MMRN1: variants seen among roughly 807,000 people sequenced by gnomAD.
MMRN1 encodes multimerin-1.
In MMRN1, 94 loss-of-function variants were observed where a neutral mutation model predicts 100.7. That is an observed-to-expected ratio of 0.93 (90% confidence interval 0.79 to 1.11). The LOEUF (loss-of-function observed/expected upper bound fraction) is 1.11, where lower values mean the gene tolerates loss of function less well. Among genes scored for constraint, MMRN1 ranks in the 50% least tolerant of loss-of-function variants. The pLI is 0.00. For missense variants in MMRN1, 1,606 were observed against 1,439.1 expected, an observed-to-expected ratio of 1.12 and a Z score of -1.88; for synonymous variants, 575 against 505.0, an observed-to-expected ratio of 1.14 and a Z score of -1.86.
intron 6 of MMRN1, among the ~76,000 whole-genome samples, chr4:89,948,819 A>G (rs1053237650): frequency 2.0e-5 from 3 of 152,196 alleles, no homozygotes; most frequent in Non-Finnish European, 4.4e-5. Context: ...CGAAGCAGGT[A>G]CAGACAAGTG....
chr4:89,926,303 C>T (rs74739978), intron 4 of MMRN1, among the ~76,000 whole-genome samples: 25,071 of 151,984 alleles, frequency 0.16, 3,299 homozygotes, highest in African/African-American at 0.36. Flanking sequence ...ATTTCCTGTC[C>T]TTTGGATATA....
intron 6 of MMRN1, among the ~76,000 whole-genome samples, chr4:89,938,517 A>AATAT (rs70963047): frequency 2.9e-5 from 4 of 138,578 alleles, no homozygotes; most frequent in Admixed American, 2.2e-4. Context: ...ATATATTTAA[A>AATAT]ATATATATAT....
intron 3 of MMRN1, among the ~76,000 whole-genome samples, chr4:89,920,262 T>G (rs1019444354): frequency 1.3e-5 from 2 of 152,098 alleles, no homozygotes; most frequent in African/African-American, 4.8e-5. Context: ...CAAAACACAA[T>G]CATGGAGTTG....
chr4:89,941,521 T>C (rs1028388969), intron 6 of MMRN1, among the ~76,000 whole-genome samples: 2 of 152,140 alleles, frequency 1.3e-5, no homozygotes, highest in Non-Finnish European at 2.9e-5. Context: ...GCACTTAGTT[T>C]TACTGGGGGC....
At chr4:89,885,869 C>T (rs1720924824) in intron 1 of MMRN1, among the ~76,000 whole-genome samples, 1 of 151,652 alleles carries the variant, frequency 6.6e-6, no homozygotes, top group Non-Finnish European at 1.5e-5. Context: ...TCTTCTTTGC[C>T]CATTTTCTGT....
chr4:89,943,020 G>T lies in MMRN1; in HGVS notation c.3118+6222G>T, dbSNP rs147240201. Reference sequence around the variant, plus strand: ...AAAATGGTGTTTGGAAACTCTGGGTGTGGGTGAGCAGAGCCAGGGGACTCA... The same window carrying T: ...AAAATGGTGTTTGGAAACTCTGGGTTTGGGTGAGCAGAGCCAGGGGACTCA... On this transcript the variant is annotated intron_variant, in intron 6 of 7. Transcript: ENST00000264790. 9.5e-3 allele frequency among the ~76,000 whole-genome samples: 1,451 copies of T among 152,258 alleles called. 12 individuals are homozygous for T. The highest frequency in any genetic ancestry group is 0.065 in the Middle Eastern group (19 of 294).
intron 6 of MMRN1, among the ~76,000 whole-genome samples, chr4:89,948,938 G>T (rs1004592092): frequency 6.6e-6 from 1 of 152,154 alleles, no homozygotes. Context: ...AGTAGTAGAT[G>T]CAGACCTTCA....
At chr4:89,939,787 G>A (rs942514593) in intron 6 of MMRN1, among the ~76,000 whole-genome samples, 40 of 152,124 alleles carry the variant, frequency 2.6e-4, no homozygotes, top group African/African-American at 9.2e-4. Flanking sequence ...GGCTGGAGCC[G>A]ATATTTTTAG....
intron 1 of MMRN1, among the ~76,000 whole-genome samples, chr4:89,887,978 G>A (rs1193217220): frequency 3.3e-5 from 5 of 151,536 alleles, no homozygotes; most frequent in Non-Finnish European, 4.4e-5. Flanking sequence ...TAGGTATGTT[G>A]AACCATATGA....
chr4:89,936,838 T>C (rs1722662670), intron 6 of MMRN1, 40 bp downstream of exon 6: 2 of 1,511,126 alleles, frequency 1.3e-6, no homozygotes, highest in Admixed American at 2.2e-5. Context: ...TCTCTCTTTT[T>C]ACTTAAATGA....
intron 3 of MMRN1, among the ~76,000 whole-genome samples, chr4:89,912,402 A>G (rs1293588851): frequency 6.6e-6 from 1 of 151,374 alleles, no homozygotes; most frequent in Non-Finnish European, 1.5e-5. Flanking sequence ...GAAGTGACTC[A>G]ATATAAAAAT....
chr4:89,904,449 C>T (rs1322318963), intron 1 of MMRN1, among the ~76,000 whole-genome samples: 2 of 150,702 alleles, frequency 1.3e-5, no homozygotes, highest in Non-Finnish European at 1.5e-5. Flanking sequence ...CCATTGCACC[C>T]TCCCTACCAT....
chr4:89,893,330 A>G (rs1467299045), upstream of MMRN1, among the ~76,000 whole-genome samples: 2 of 152,064 alleles, frequency 1.3e-5, no homozygotes, highest in African/African-American at 4.8e-5. Context: ...TAGGTCAACA[A>G]TACACTTACG....
chr4:89,894,394 T>C (rs1371325738), upstream of MMRN1, among the ~76,000 whole-genome samples: 1 of 152,164 alleles, frequency 6.6e-6, no homozygotes, highest in Non-Finnish European at 1.5e-5. Flanking sequence ...GTATATGTAC[T>C]ATATGAAAGG....
chr4:89,937,221 T>C (rs1404469712), intron 6 of MMRN1, among the ~76,000 whole-genome samples: 1 of 152,058 alleles, frequency 6.6e-6, no homozygotes, highest in East Asian at 1.9e-4. Flanking sequence ...CATCTGACAA[T>C]GAATGTTCAG....
At chr4:89,892,068 T>A (rs1181894294), upstream of MMRN1, among the ~76,000 whole-genome samples, 1 of 151,810 alleles carries the variant, frequency 6.6e-6, no homozygotes, top group Admixed American at 6.6e-5. Flanking sequence ...TTAATTCATA[T>A]GCATTATAAG....
chr4:89,934,926 C>T lies in MMRN1; in HGVS notation c.1246C>T (p.Leu416=). 6.2e-7 allele frequency: 1 copy of T among 1,613,572 alleles called. No individual in the cohort carries two copies. The highest frequency in any genetic ancestry group is 8.5e-7 in the Non-Finnish European group (1 of 1,179,710). Residue 416 remains leucine, a synonymous_variant, in exon 6 of 8, where the codon CTA becomes TTA. Transcript: ENST00000264790. ...ACAGCTCTTCAAGACTGTATCAAGT[C>T]TATCAGAGGACCTCGAAAGCACCAG... is the stretch of plus-strand genomic sequence containing the variant. The part of the protein sequence containing the change: ...VAQLFKTVSS[L]SEDLESTRQI...
intron 3 of MMRN1, among the ~76,000 whole-genome samples, chr4:89,920,702 G>A (rs1325128599): frequency 6.6e-6 from 1 of 151,936 alleles, no homozygotes; most frequent in Non-Finnish European, 1.5e-5. Flanking sequence ...AGTATTTTCT[G>A]CATTATAACA....
At chr4:89,888,686 C>G (rs888541165) in intron 1 of MMRN1, among the ~76,000 whole-genome samples, 6 of 152,016 alleles carry the variant, frequency 3.9e-5, no homozygotes, top group Non-Finnish European at 8.8e-5. Context: ...TATTTTCAAG[C>G]TAACTGCTTA....
Sources: gnomAD v4.1 joint callset for allele counts (sites outside exome capture counted in the v4.1 genomes callset) on GRCh38, gnomAD v4.1.1 for gene constraint, MANE v1.5 for transcripts, NCBI Gene and HGNC (gene_info 2026-07-23, HGNC 2026-07-21) for gene names.